The following DERA variants were observed in gnomAD, a reference collection of about 807,000 sequenced individuals.
The protein encoded by DERA is deoxyribose-phosphate aldolase, also known as 2-deoxy-D-ribose 5-phosphate aldolase.
DERA carries 15 observed loss-of-function variants against 41.1 expected under a neutral mutation model. The observed-to-expected ratio is 0.37, with a 90% CI of 0.24 to 0.56. The LOEUF is 0.56. Among genes scored for constraint, DERA ranks in the 20% least tolerant of loss-of-function variants. DERA has a pLI of 0.81. For missense variants in DERA, 396 were observed against 403.4 expected (o/e 0.98, Z 0.16); for synonymous variants, 139 against 137.4 (o/e 1.01, Z -0.08).
At position 16,020,385 on chromosome 12, in the gene DERA, A is replaced by G. The variant is rs1418059231; in HGVS notation, c.638-12157A>G. ...AGGGGAAATCTACCCCCATGATCCA[A>G]TCTCTTCCTACCAGAGACACCTGAA... is the stretch of plus-strand genomic sequence containing the variant. On this transcript the variant is annotated intron_variant, in intron 6 of 8. Coordinates refer to ENST00000428559, the MANE Select transcript of DERA (RefSeq NM_015954.4). This position sits in a 1 kb window ranked among gnomAD's most constrained non-coding sequence, Gnocchi z 5.5. Among the ~76,000 whole-genome samples the G allele has an allele frequency of 6.6e-6, 1 of 152,118 alleles. No individual in the cohort carries two copies.
In DERA at chr12:15,988,486, C is replaced by T. The variant is rs781416035; in HGVS notation, c.637+6050C>T. The stretch of plus-strand genomic sequence containing the variant: ...ACCTGTAGTGGGTAGCTCCTTTTTG[C>T]AGGCAGGTCGTCCCTGTGAGTGTGT... On this transcript the variant is annotated intron_variant, in intron 6 of 8. Coordinates refer to ENST00000428559, the MANE Select transcript of DERA (RefSeq NM_015954.4). The surrounding 1 kb of genome is among the most constrained non-coding windows in gnomAD (Gnocchi z 6.0). Among the ~76,000 whole-genome samples the T allele has an allele frequency of 6.6e-6, 1 of 152,164 alleles. No homozygotes were observed. Among genetic ancestry groups the T allele is most frequent in the Non-Finnish European group, 1.5e-5 (1 of 68,030 alleles).
chr12:16,005,159 G>A (rs1366127999), intron 6 of DERA, among the ~76,000 whole-genome samples: 1 of 152,148 alleles, frequency 6.6e-6, no homozygotes. Flanking sequence ...GAGTTGAAAA[G>A]GGGCCAAGCA....
In DERA at chr12:16,001,595, A is replaced by G. The variant is rs571324008; in HGVS notation, c.637+19159A>G. 3.3e-5 allele frequency among the ~76,000 whole-genome samples: 5 copies of G among 152,338 alleles called. No homozygotes were observed. The highest frequency in any genetic ancestry group is 1.2e-4 in the African/African-American group (5 of 41,582). ...TGGTCAGTTTCTGGGGTGACTAGAC[A>G]CCACCAATTTCTGGAGGATCTGCCT... is the stretch of plus-strand genomic sequence containing the variant. On this transcript the variant is annotated intron_variant, in intron 6 of 8. Transcript: ENST00000428559. This position sits in a 1 kb window ranked among gnomAD's most constrained non-coding sequence, Gnocchi z 4.1.
At chr12:16,007,220 G>A (rs1403282303) in intron 6 of DERA, among the ~76,000 whole-genome samples, 3 of 129,138 alleles carry the variant, frequency 2.3e-5, no homozygotes, top group Non-Finnish European at 4.6e-5. Flanking sequence ...GTCTCACCCT[G>A]TTGCGCAGGC....
intron 4 of DERA, among the ~76,000 whole-genome samples, chr12:15,961,210 T>G (rs1424782730): frequency 6.6e-6 from 1 of 152,194 alleles, no homozygotes; most frequent in Non-Finnish European, 1.5e-5. Context: ...AGAGAGTGCA[T>G]TCAGAAGTCA....
At position 15,911,474 on chromosome 12, in the gene DERA, G is replaced by A; in HGVS notation, c.31+60G>A. 7.2e-7 allele frequency: 1 copy of A among 1,392,330 alleles called. No homozygotes were observed. 86.2% of individuals were successfully genotyped at this position (1,392,330 alleles called of 1,614,324 possible). A position where few individuals can be genotyped will look rare whatever the true frequency, so the allele number is the denominator to read the frequency against. ...CTCGCGTTCAGCGCCGCCGGGACTA[G>A]CGCGGGGCCTGCTGCCGCCCAGTGC... is the stretch of plus-strand genomic sequence containing the variant. On this transcript the variant is annotated intron_variant, in intron 1 of 8. Coordinates refer to ENST00000428559, the MANE Select transcript of DERA (RefSeq NM_015954.4). This position sits in a 1 kb window ranked among gnomAD's most constrained non-coding sequence, Gnocchi z 4.5.
intron 5 of DERA, among the ~76,000 whole-genome samples, chr12:15,977,528 C>A (rs745766814): frequency 2.6e-5 from 4 of 152,236 alleles, no homozygotes; most frequent in Non-Finnish European, 5.9e-5. Flanking sequence ...TCTCAGCTCA[C>A]TGCAACCTTC....
At chr12:15,925,631 A>C (rs1400530653) in intron 1 of DERA, among the ~76,000 whole-genome samples, 1 of 152,186 alleles carries the variant, frequency 6.6e-6, no homozygotes, top group East Asian at 1.9e-4. Flanking sequence ...GGAAATTAAA[A>C]TTCACAGATT....
rs1343373941 is a variant in DERA at position 16,036,392 on chromosome 12, A to G, written c.900+11A>G. The G allele has an allele frequency of 3.8e-6, 6 of 1,576,400 alleles. No individual in the cohort carries two copies. The highest frequency in any genetic ancestry group is 5.1e-6 in the Non-Finnish European group (6 of 1,165,332). Reference sequence around the variant, plus strand: ...GACATTGAGAGGCAGGTGAGTAATCATCTCTGTCTTTGGAATAAATTAACA... The same window carrying G: ...GACATTGAGAGGCAGGTGAGTAATCGTCTCTGTCTTTGGAATAAATTAACA... On this transcript the variant is annotated intron_variant, in intron 8 of 8. Coordinates refer to ENST00000428559, the MANE Select transcript of DERA (RefSeq NM_015954.4). This position sits in a 1 kb window ranked among gnomAD's most constrained non-coding sequence, Gnocchi z 4.9.
Position 16,036,356 on chromosome 12 carries a change from C to T in DERA, c.875C>T (p.Thr292Ile). The change falls in exon 8 of 9, where the codon ACT becomes ATT. Residue 292 changes from threonine (T) to isoleucine (I), a missense_variant. Coordinates refer to ENST00000428559, the MANE Select transcript of DERA (RefSeq NM_015954.4). The surrounding 1 kb of genome is among the most constrained non-coding windows in gnomAD (Gnocchi z 4.9). ...KPELFRIGASTLLSDIERQIY... is the reference protein window; with the variant it reads ...KPELFRIGASILLSDIERQIY... ...GAACTCTTTCGAATAGGTGCCAGTA[C>T]TCTGCTCTCGGACATTGAGAGGCAG... 6.2e-7 allele frequency: 1 copy of T among 1,610,244 alleles called. No homozygotes were observed. The highest frequency in any genetic ancestry group is 8.5e-7 in the Non-Finnish European group (1 of 1,178,600).
chr12:15,912,147 A>G (rs1252525095), intron 1 of DERA, among the ~76,000 whole-genome samples: 2 of 151,822 alleles, frequency 1.3e-5, no homozygotes, highest in East Asian at 1.9e-4. Context: ...TGGTTTTCCT[A>G]GGCAGAGGAC....
At chr12:16,002,669 C>A (rs928907697) in intron 6 of DERA, among the ~76,000 whole-genome samples, 1 of 152,092 alleles carries the variant, frequency 6.6e-6, no homozygotes, top group African/African-American at 2.4e-5. Context: ...TAATTAGAGT[C>A]CCATGCTGTA....
At chr12:15,960,854 GAAGGCACA>G (rs1349609312) in intron 4 of DERA, among the ~76,000 whole-genome samples, 3 of 152,116 alleles carry the variant, frequency 2.0e-5, no homozygotes, top group Non-Finnish European at 4.4e-5. Flanking sequence ...TAGCACGTGT[GAAGGCACA>G]AAGCATGTTC....
At chr12:15,991,738 A>G (rs1024192116) in intron 6 of DERA, among the ~76,000 whole-genome samples, 2 of 152,154 alleles carry the variant, frequency 1.3e-5, no homozygotes, top group African/African-American at 4.8e-5. Context: ...TAATCTTCAC[A>G]GCAACCCTAT....
intron 5 of DERA, among the ~76,000 whole-genome samples, chr12:15,964,361 C>T (rs1016303317): frequency 3.3e-5 from 5 of 152,132 alleles, no homozygotes; most frequent in Non-Finnish European, 7.4e-5. Context: ...ATTGCGTTCA[C>T]CCCACTGCCC....
chr12:15,978,249 C>T (rs1476354596), intron 5 of DERA, among the ~76,000 whole-genome samples: 5 of 152,156 alleles, frequency 3.3e-5, no homozygotes, highest in Non-Finnish European at 5.9e-5. Flanking sequence ...ACTAATAATG[C>T]TTCTTTGTGG....
intron 1 of DERA, among the ~76,000 whole-genome samples, chr12:15,920,014 A>G (rs1273594521): frequency 2.0e-5 from 3 of 149,992 alleles, no homozygotes; most frequent in Non-Finnish European, 3.0e-5. Flanking sequence ...GTGAGAGAGA[A>G]AGAGAGAGAG....
intron 1 of DERA, among the ~76,000 whole-genome samples, chr12:15,946,586 T>C (rs1948450914): frequency 6.6e-6 from 1 of 151,840 alleles, no homozygotes; most frequent in South Asian, 2.1e-4. Flanking sequence ...CCCCTTTTTT[T>C]TTTATTGCAT....
rs1296988401 is a variant in DERA, at chr12:15,941,553, A to T, written c.32-15383A>T. The stretch of plus-strand genomic sequence containing the variant: ...CTATTCTCTCCCGCTGAATCCTCAG[A>T]GTTCGCTATATCATCCTTATGCCTT... On this transcript the variant is annotated intron_variant, in intron 1 of 8. Transcript: ENST00000428559. The surrounding 1 kb of genome is among the most constrained non-coding windows in gnomAD (Gnocchi z 4.5). 2.0e-5 allele frequency among the ~76,000 whole-genome samples: 3 copies of T among 152,088 alleles called. No homozygotes were observed. The highest frequency in any genetic ancestry group is 2.0e-4 in the Admixed American group (3 of 15,278).
Sources: gnomAD v4.1 joint callset for allele counts (sites outside exome capture counted in the v4.1 genomes callset) on GRCh38, gnomAD v4.1.1 for gene constraint, Gnocchi (gnomAD v3.1) non-coding constraint, MANE v1.5 for transcripts, NCBI Gene and HGNC (gene_info 2026-07-23, HGNC 2026-07-21) for gene names.